Variants in ZNF469 observed in about 807,000 individuals in gnomAD.
ZNF469 encodes the protein zinc finger protein 469.
In ZNF469, 1 loss-of-function variant was observed where a neutral mutation model predicts 1.0. The ratio of observed to expected loss-of-function variants is 1.00; its 90% confidence interval spans 0.35 to 4.73. The LOEUF is 4.73. ZNF469 is among the 30% of genes most tolerant of loss of function. ZNF469 has a pLI of 0.16. For synonymous variants in ZNF469, 2,703 were observed against 2,363.4 expected (o/e 1.14, Z -4.17); for missense variants, 6,100 against 5,356.3 (o/e 1.14, Z -4.33).
At chr16:88,158,053 G>A in the ZNF469 span, among the ~76,000 whole-genome samples, 1 of 152,130 alleles carries the variant, frequency 6.6e-6, no homozygotes, top group South Asian at 2.1e-4. Context: ...ATGCTCCGGG[G>A]GTCTGCTCTT....
At chr16:88,154,628 G>T in the ZNF469 span, among the ~76,000 whole-genome samples, 1 of 152,256 alleles carries the variant, frequency 6.6e-6, no homozygotes, top group Admixed American at 6.5e-5. Context: ...GAGGCTCAGA[G>T]AGAAGGGCTG....
At chr16:88,342,103 G>T in the ZNF469 span, among the ~76,000 whole-genome samples, 6 of 133,380 alleles carry the variant, frequency 4.5e-5, no homozygotes, top group Non-Finnish European at 1.0e-4. Context: ...GAAGAAGGCC[G>T]GTGGGAGAGG....
At chr16:88,125,766 T>G in the ZNF469 span, among the ~76,000 whole-genome samples, 6 of 147,276 alleles carry the variant, frequency 4.1e-5, no homozygotes, top group Admixed American at 4.0e-4. Flanking sequence ...GATATTTTAT[T>G]TTTTTGCAAA....
At chr16:88,108,564 T>C in the ZNF469 span, among the ~76,000 whole-genome samples, 8 of 152,192 alleles carry the variant, frequency 5.3e-5, no homozygotes, top group African/African-American at 1.9e-4. Context: ...GAGTTGCTGA[T>C]GTCCTAGGAT....
chr16:88,395,111 T>C (rs1394675218), intron 1 of ZNF469, among the ~76,000 whole-genome samples: 1 of 152,226 alleles, frequency 6.6e-6, no homozygotes, highest in African/African-American at 2.4e-5. Context: ...AGGTGAACTC[T>C]GTAGGCAGAA....
chr16:88,101,305 C>G, the ZNF469 span, among the ~76,000 whole-genome samples: 8 of 152,196 alleles, frequency 5.3e-5, no homozygotes, highest in Non-Finnish European at 1.0e-4. Context: ...GAGTGCTGAA[C>G]CCAATGCCAA....
the ZNF469 span, among the ~76,000 whole-genome samples, chr16:88,114,257 G>GGATCTCCGGGGAGAA: frequency 7.1e-6 from 1 of 140,850 alleles, no homozygotes; most frequent in Non-Finnish European, 1.6e-5. Flanking sequence ...CTCACTGCGG[G>GGATCTCCGGGGAGAA]TGTCTCCGGG....
chr16:88,144,285 C>A, the ZNF469 span, among the ~76,000 whole-genome samples: 1,927 of 152,256 alleles, frequency 0.013, 32 homozygotes, highest in African/African-American at 0.044. Flanking sequence ...TTGATTGGGT[C>A]ACGTTTAACT....
At chr16:88,159,407 A>T in the ZNF469 span, among the ~76,000 whole-genome samples, 1 of 152,036 alleles carries the variant, frequency 6.6e-6, no homozygotes, top group South Asian at 2.1e-4. Context: ...TCACGGGTCC[A>T]TCTGATCCCA....
At chr16:88,360,725 C>T in the ZNF469 span, among the ~76,000 whole-genome samples, 38 of 147,558 alleles carry the variant, frequency 2.6e-4, 1 homozygote, top group East Asian at 6.0e-4. Context: ...CCCCAGACAG[C>T]GCCCGCATGC....
At chr16:88,413,127 G>C (rs1413969044) in intron 1 of ZNF469, among the ~76,000 whole-genome samples, 1 of 152,194 alleles carries the variant, frequency 6.6e-6, no homozygotes, top group African/African-American at 2.4e-5. Flanking sequence ...CCAAGGCACG[G>C]GGGCCATAGT....
At chr16:88,104,124 C>T in the ZNF469 span, among the ~76,000 whole-genome samples, 1 of 151,714 alleles carries the variant, frequency 6.6e-6, no homozygotes, top group Non-Finnish European at 1.5e-5. Flanking sequence ...CTTTTCATGG[C>T]TGAAAAATTG....
At chr16:88,353,701 G>A in the ZNF469 span, among the ~76,000 whole-genome samples, 4 of 152,216 alleles carry the variant, frequency 2.6e-5, no homozygotes, top group African/African-American at 9.6e-5. Flanking sequence ...CTGGAAACAG[G>A]GGCCTTGCAG....
chr16:88,392,458 C>G (rs368196925), intron 1 of ZNF469, among the ~76,000 whole-genome samples: 1 of 152,258 alleles, frequency 6.6e-6, no homozygotes, highest in Non-Finnish European at 1.5e-5. Flanking sequence ...GTGTCCATCA[C>G]GGACCTCTTT....
the ZNF469 span, among the ~76,000 whole-genome samples, chr16:88,316,532 G>A: frequency 7.0e-6 from 1 of 142,872 alleles, no homozygotes; most frequent in Non-Finnish European, 1.5e-5. Context: ...TGAGCACTGA[G>A]TATAGGTGCT....
At chr16:88,230,090 C>T in the ZNF469 span, among the ~76,000 whole-genome samples, 1 of 152,250 alleles carries the variant, frequency 6.6e-6, no homozygotes, top group Admixed American at 6.5e-5. Context: ...CGGTCCTCAT[C>T]TGCTCTCCAT....
the ZNF469 span, among the ~76,000 whole-genome samples, chr16:88,335,792 A>ATG: frequency 6.7e-6 from 1 of 148,830 alleles, no homozygotes; most frequent in East Asian, 2.0e-4. Flanking sequence ...TACCACGCAC[A>ATG]TTCGTCCTTC....
chr16:88,332,218 A>T, the ZNF469 span, among the ~76,000 whole-genome samples: 1 of 152,214 alleles, frequency 6.6e-6, no homozygotes, highest in Non-Finnish European at 1.5e-5. Flanking sequence ...ATGGAAAATG[A>T]CTCATAGGAA....
chr16:88,197,218 T>A, the ZNF469 span, among the ~76,000 whole-genome samples: 7 of 152,040 alleles, frequency 4.6e-5, no homozygotes, highest in Admixed American at 2.0e-4. Flanking sequence ...GGCCTCCGAG[T>A]GGAGCAAAGA....
Sources: allele counts gnomAD v4.1 joint callset (sites outside exome capture counted in the v4.1 genomes callset), GRCh38; gene constraint gnomAD v4.1.1; transcripts MANE v1.5; gene names NCBI Gene and HGNC (gene_info 2026-07-23, HGNC 2026-07-21).